Variants in MICAL2 observed in about 807,000 individuals in gnomAD.
MICAL2 encodes the protein microtubule associated monooxygenase, calponin and LIM domain containing 2.
MICAL2 carries 77 observed loss-of-function variants against 127.3 expected under a neutral mutation model. The observed-to-expected ratio is 0.60, with a 90% CI of 0.50 to 0.73. The LOEUF is 0.73. MICAL2 is among the 30% of genes least tolerant of loss of function. The probability of loss-of-function intolerance (pLI) is 0.00; values close to 1 mark genes in which losing one functional copy is unlikely to be tolerated. For missense variants in MICAL2, 1,351 were observed against 1,434.4 expected (o/e 0.94, Z 0.94); for synonymous variants, 570 against 551.1 (o/e 1.03, Z -0.48).
At chr11:12,149,087 C>T (rs1185044763) in intron 2 of MICAL2, among the ~76,000 whole-genome samples, 1 of 152,190 alleles carries the variant, frequency 6.6e-6, no homozygotes, top group Non-Finnish European at 1.5e-5. Context: ...TTTGATGTTT[C>T]AGCCCTAAAG....
downstream of MICAL2, among the ~76,000 whole-genome samples, chr11:12,287,553 C>T (rs994171546): frequency 6.6e-6 from 1 of 152,072 alleles, no homozygotes; most frequent in Non-Finnish European, 1.5e-5. Context: ...ATCAGATTAA[C>T]GGCCTCACAC....
intron 33 of MICAL2, among the ~76,000 whole-genome samples, chr11:12,352,619 A>G (rs180743477): frequency 6.6e-6 from 1 of 152,376 alleles, no homozygotes; most frequent in African/African-American, 2.4e-5. Context: ...GAAAGCCCTG[A>G]ATGAGCATGG....
downstream of MICAL2, among the ~76,000 whole-genome samples, chr11:12,291,093 A>T (rs1157535587): frequency 6.6e-6 from 1 of 151,926 alleles, no homozygotes; most frequent in Non-Finnish European, 1.5e-5. Flanking sequence ...AAGAGAGTGG[A>T]CTCGTTCCAC....
At chr11:12,240,907 A>G in intron 17 of MICAL2, 133 bp from the exon 18 acceptor site, 1 of 1,192,870 alleles carries the variant, frequency 8.4e-7, no homozygotes, top group Non-Finnish European at 1.2e-6. Flanking sequence ...AGCTCAGCCC[A>G]GTGCTTCCTC....
intron 32 of MICAL2, among the ~76,000 whole-genome samples, chr11:12,331,485 G>T (rs768999036): frequency 2.0e-5 from 3 of 152,170 alleles, no homozygotes; most frequent in Non-Finnish European, 4.4e-5. Flanking sequence ...GGTGGCAGCA[G>T]GAGCACACAT....
intron 1 of MICAL2, among the ~76,000 whole-genome samples, chr11:12,121,826 T>G (rs1239622724): frequency 6.6e-6 from 1 of 152,232 alleles, no homozygotes. Flanking sequence ...CTTCCATGTA[T>G]GTCTCAGGGA....
downstream of MICAL2, chr11:12,294,685 G>A (rs1863956750): frequency 1.2e-6 from 2 of 1,614,042 alleles, no homozygotes; most frequent in South Asian, 2.2e-5. Context: ...GACAAAGAAA[G>A]GACATCAGGG....
At chr11:12,323,853 T>G in intron 30 of MICAL2, 1 of 1,091,262 alleles carries the variant, frequency 9.2e-7, no homozygotes, top group Non-Finnish European at 1.3e-6. Flanking sequence ...CAGATGTCGT[T>G]ATTTTAGAAG....
intron 32 of MICAL2, among the ~76,000 whole-genome samples, chr11:12,334,877 A>G (rs1339712746): frequency 1.3e-5 from 2 of 151,946 alleles, no homozygotes; most frequent in African/African-American, 2.4e-5. Context: ...GTTGGTTCCA[A>G]GTCTTGGCTA....
At chr11:12,210,338 T>G (rs926999209) in intron 6 of MICAL2, among the ~76,000 whole-genome samples, 8 of 152,200 alleles carry the variant, frequency 5.3e-5, no homozygotes, top group Non-Finnish European at 1.0e-4. Context: ...CCATGGGTTA[T>G]AAACAACATG....
At chr11:12,307,514 T>G (rs1273155402) in intron 29 of MICAL2, among the ~76,000 whole-genome samples, 3 of 152,222 alleles carry the variant, frequency 2.0e-5, no homozygotes, top group Admixed American at 6.5e-5. Context: ...CACTAAGAAT[T>G]CCTCATATGT....
At position 12,220,289 on chromosome 11, in the gene MICAL2, C is replaced by T; in HGVS notation, c.1037C>T (p.Ala346Val). 1 of 1,614,224 alleles carries T rather than the reference C, an allele frequency of 6.2e-7. No homozygotes were observed. Among genetic ancestry groups the T allele is most frequent in the South Asian group, 1.1e-5 (1 of 91,086 alleles). Residue 346 changes from alanine (A) to valine (V), a missense_variant, in exon 9 of 28, where the codon GCC becomes GTC. By Grantham distance (64) the Ala-to-Val change is moderately conservative. Coordinates refer to ENST00000683283, the MANE Select transcript of MICAL2 (RefSeq NM_001282663.2). The part of the protein sequence containing the change: ...LSYAREAADF[A>V]TNYQLPSLDF... ...TATGCCCGGGAAGCTGCAGACTTTG[C>T]CACCAACTACCAGCTGCCATCCTTA... is the stretch of plus-strand genomic sequence containing the variant.
At chr11:12,148,698 C>T (rs1848432769) in intron 2 of MICAL2, among the ~76,000 whole-genome samples, 1 of 152,246 alleles carries the variant, frequency 6.6e-6, no homozygotes, top group Non-Finnish European at 1.5e-5. Flanking sequence ...CCGGGGCTTG[C>T]AGCCTTCAGC....
At chr11:12,209,703 A>T (rs760899663) in intron 6 of MICAL2, 105 bp downstream of exon 6, 5 of 1,039,568 alleles carry the variant, frequency 4.8e-6, no homozygotes, top group South Asian at 1.3e-5. Flanking sequence ...CCAGAGCTGG[A>T]TGGAGGTTTT....
intron 1 of MICAL2, among the ~76,000 whole-genome samples, chr11:12,124,058 T>A (rs1850718187): frequency 6.6e-6 from 1 of 152,226 alleles, no homozygotes; most frequent in African/African-American, 2.4e-5. Flanking sequence ...GTTGCTAAGC[T>A]GCTTCTCCCC....
intron 2 of MICAL2, among the ~76,000 whole-genome samples, chr11:12,148,993 A>C (rs1294375582): frequency 6.6e-6 from 1 of 152,218 alleles, no homozygotes; most frequent in Non-Finnish European, 1.5e-5. Flanking sequence ...CCAGGCTCAC[A>C]CACCTAGTAA....
chr11:12,239,664 C>G, intron 17 of MICAL2, 79 bp downstream of exon 17: 1 of 1,516,766 alleles, frequency 6.6e-7, no homozygotes, highest in Non-Finnish European at 8.9e-7. Context: ...TGATAGACTT[C>G]AGATATGCCA....
intron 30 of MICAL2, among the ~76,000 whole-genome samples, chr11:12,320,129 A>G (rs1224983678): frequency 6.6e-6 from 1 of 152,204 alleles, no homozygotes; most frequent in Non-Finnish European, 1.5e-5. Context: ...AAAACATTAC[A>G]ACAAGCAGAT....
At chr11:12,332,946 G>C (rs1938668565) in intron 32 of MICAL2, among the ~76,000 whole-genome samples, 1 of 152,158 alleles carries the variant, frequency 6.6e-6, no homozygotes, top group Non-Finnish European at 1.5e-5. Context: ...GTCTATGGAA[G>C]ACTGGCTCAC....
Sources: gnomAD v4.1 joint callset for allele counts (sites outside exome capture counted in the v4.1 genomes callset) on GRCh38, gnomAD v4.1.1 for gene constraint, MANE v1.5 for transcripts, NCBI Gene and HGNC (gene_info 2026-07-23, HGNC 2026-07-21) for gene names.